Variants in CCDC85C observed in about 807,000 individuals in gnomAD.
The protein encoded by CCDC85C is coiled-coil domain-containing protein 85C.
CCDC85C carries 18 observed loss-of-function variants against 38.3 expected under a neutral mutation model. That is an observed-to-expected ratio of 0.47 (90% CI 0.33 to 0.70). CCDC85C has a LOEUF of 0.70. Among genes scored for constraint, CCDC85C ranks in the 30% least tolerant of loss-of-function variants. The pLI, the probability that CCDC85C is intolerant of heterozygous loss-of-function variation, is 0.03. For missense variants in CCDC85C, 566 were observed against 621.2 expected (o/e 0.91, Z 0.94); for synonymous variants, 264 against 293.8 (o/e 0.90, Z 1.04).
chr14:99,531,180 G>A (rs141246157), intron 2 of CCDC85C, among the ~76,000 whole-genome samples: 12 of 152,196 alleles, frequency 7.9e-5, no homozygotes, highest in African/African-American at 2.9e-4. Context: ...GTGGGCTGGG[G>A]GCCCTTCAGT....
At chr14:99,523,488 G>T (rs575869531) in intron 2 of CCDC85C, among the ~76,000 whole-genome samples, 3 of 152,224 alleles carry the variant, frequency 2.0e-5, no homozygotes, top group African/African-American at 4.8e-5. Flanking sequence ...TCCTGCGGGG[G>T]TGAGGAGGCA....
At position 99,603,553 on chromosome 14, in the gene CCDC85C, G is replaced by A; in HGVS notation, c.407C>T (p.Ala136Val). 7.2e-7 allele frequency: 1 copy of A among 1,392,116 alleles called. No individual in the cohort carries two copies. The highest frequency in any genetic ancestry group is 9.3e-7 in the Non-Finnish European group (1 of 1,079,038). The allele number at this position is 1,392,116 out of a possible 1,614,324, so 86.2% of individuals were successfully genotyped here. Residue 136 changes from alanine (A) to valine (V), a missense_variant, in exon 1 of 6, where the codon GCC becomes GTC. By Grantham distance (64) the Ala-to-Val change is moderately conservative. This residue lies in a region of CCDC85C where 269 missense variants were observed against 308.2 expected (regional missense o/e 0.87). Coordinates refer to ENST00000380243, the MANE Select transcript of CCDC85C (RefSeq NM_001144995.2). The surrounding 1 kb of genome is among the most constrained non-coding windows in gnomAD (Gnocchi z 7.5). The part of the protein sequence containing the change: ...KLRELEARQE[A>V]LLRENLELKE... ...GAGCTCCAGGTTCTCGCGCAGCAGG[G>A]CCTCCTGGCGCGCCTCGAGCTCGCG... is the stretch of plus-strand genomic sequence containing the variant.
In CCDC85C at chr14:99,502,162, A is replaced by G; in HGVS notation, c.*13084T>C. Reference sequence around the variant, plus strand: ...TCTCCATGCACTGGTTTAATCATAAATATTAGATCATATTATCTAACCTTT... The same window carrying G: ...TCTCCATGCACTGGTTTAATCATAAGTATTAGATCATATTATCTAACCTTT... On this transcript the variant is annotated 3_prime_UTR_variant, in exon 6 of 6. Coordinates refer to ENST00000380243, the MANE Select transcript of CCDC85C (RefSeq NM_001144995.2). 6.6e-7 allele frequency: 1 copy of G among 1,526,292 alleles called. No homozygotes were observed. Among genetic ancestry groups the G allele is most frequent in the South Asian group, 1.3e-5 (1 of 79,322 alleles). 94.5% of individuals were successfully genotyped at this position (1,526,292 alleles called of 1,614,324 possible). A position where few individuals can be genotyped will look rare whatever the true frequency, so the allele number is the denominator to read the frequency against.
At position 99,533,827 on chromosome 14, in the gene CCDC85C, G is replaced by A. The variant is rs1228398281; in HGVS notation, c.867+2188C>T. ...CAGGTGGACACAGGTTATGGTGGAG[G>A]GCCCCCTGTGAGACCGGGGGGCACC... On this transcript the variant is annotated intron_variant, in intron 2 of 5. Transcript: ENST00000380243. The surrounding 1 kb of genome is among the most constrained non-coding windows in gnomAD (Gnocchi z 4.2). 1.3e-5 allele frequency among the ~76,000 whole-genome samples: 2 copies of A among 152,198 alleles called. No homozygotes were observed. The highest frequency in any genetic ancestry group is 4.8e-5 in the African/African-American group (2 of 41,446).
At chr14:99,537,013 G>A (rs1434568074) in intron 1 of CCDC85C, among the ~76,000 whole-genome samples, 2 of 152,166 alleles carry the variant, frequency 1.3e-5, no homozygotes, top group African/African-American at 2.4e-5. Flanking sequence ...CAGGCCGGGG[G>A]ACCACCCAGC....
chr14:99,595,298 C>G (rs2055131524), intron 1 of CCDC85C, among the ~76,000 whole-genome samples: 1 of 152,216 alleles, frequency 6.6e-6, no homozygotes, highest in South Asian at 2.1e-4. Context: ...CTCTGTGGCC[C>G]AGGCTGGAGT....
In CCDC85C at chr14:99,516,520, T is replaced by C. The variant is rs1555367786; in HGVS notation, c.1072-234A>G. ...CATGGCTGGGCCACCCGGGAGGAAGTAGACAGGCTGGGCAAGGAAGACCCT... is the reference window on the plus strand; with the variant it reads ...CATGGCTGGGCCACCCGGGAGGAAGCAGACAGGCTGGGCAAGGAAGACCCT... On this transcript the variant is annotated intron_variant, in intron 4 of 5. Coordinates refer to ENST00000380243, the MANE Select transcript of CCDC85C (RefSeq NM_001144995.2). This position sits in a 1 kb window ranked among gnomAD's most constrained non-coding sequence, Gnocchi z 5.5. Among the ~76,000 whole-genome samples the C allele has an allele frequency of 6.6e-6, 1 of 152,084 alleles. No homozygotes were observed. The highest frequency in any genetic ancestry group is 1.5e-5 in the Non-Finnish European group (1 of 67,998).
chr14:99,570,084 C>T (rs1461428713), intron 1 of CCDC85C, among the ~76,000 whole-genome samples: 1 of 152,002 alleles, frequency 6.6e-6, no homozygotes, highest in African/African-American at 2.4e-5. Flanking sequence ...TGAAATGTGC[C>T]CTCCTGAGAC....
chr14:99,551,434 TGGGTGTGC>T (rs1287669435), intron 1 of CCDC85C, among the ~76,000 whole-genome samples: 1 of 151,122 alleles, frequency 6.6e-6, no homozygotes, highest in African/African-American at 2.4e-5. Flanking sequence ...AATGAGCAGG[TGGGTGTGC>T]AGGTGAGCAG....
rs73342433 is a variant in CCDC85C, at chr14:99,534,927, G to A, written c.867+1088C>T. 7.6e-3 allele frequency: 4,413 copies of A among 578,910 alleles called. 144 individuals carry two copies. The highest frequency in any genetic ancestry group is 0.072 in the African/African-American group (3,827 of 53,218). The allele number at this position is 578,910 out of a possible 1,614,324, so 35.9% of individuals were successfully genotyped here. ...TATGGTGGTGGGGAGTGGGGGGCGGGGTGTGGAGGAGAGTTCACAAGAGGC... is the reference window on the plus strand; with the variant it reads ...TATGGTGGTGGGGAGTGGGGGGCGGAGTGTGGAGGAGAGTTCACAAGAGGC... On this transcript the variant is annotated intron_variant, in intron 2 of 5. Coordinates refer to ENST00000380243, the MANE Select transcript of CCDC85C (RefSeq NM_001144995.2).
intron 1 of CCDC85C, among the ~76,000 whole-genome samples, chr14:99,596,931 G>T (rs1192215681): frequency 6.6e-6 from 1 of 152,162 alleles, no homozygotes; most frequent in African/African-American, 2.4e-5. Flanking sequence ...TCCCACAGGC[G>T]CTGTCCTGCC....
At chr14:99,539,913 G>A (rs1304622394) in intron 1 of CCDC85C, among the ~76,000 whole-genome samples, 6 of 152,040 alleles carry the variant, frequency 3.9e-5, no homozygotes, top group Non-Finnish European at 7.4e-5. Context: ...TTGGGAGGCC[G>A]AGGCGGGCGG....
Position 99,506,069 on chromosome 14 carries a change from TG to T in CCDC85C, c.*9176del, listed in dbSNP as rs1289088695. On this transcript the variant is annotated 3_prime_UTR_variant, in exon 6 of 6. Transcript: ENST00000380243. ...AGGTGCTGATTGGTGGGTCTAGGGA[TG>T]GGCCATGGTTTTGGTGGCAAGATGG... 6.6e-6 allele frequency: 1 copy of T among 152,532 alleles called. No individual in the cohort carries two copies. Among genetic ancestry groups the T allele is most frequent in the Non-Finnish European group, 1.5e-5 (1 of 68,250 alleles). The allele number at this position is 152,532 out of a possible 1,614,324, so 9.4% of individuals were successfully genotyped here.
chr14:99,526,636 G>A (rs113992397), intron 2 of CCDC85C, among the ~76,000 whole-genome samples: 38 of 152,190 alleles, frequency 2.5e-4, no homozygotes, highest in African/African-American at 7.5e-4. Flanking sequence ...GGAACACCCC[G>A]TCCCCAAGAC....
rs1182419379 is a variant in CCDC85C, at chr14:99,572,208, C to G, written c.793+30959G>C. 2.6e-5 allele frequency among the ~76,000 whole-genome samples: 4 copies of G among 152,220 alleles called. No homozygotes were observed. The highest frequency in any genetic ancestry group is 9.6e-5 in the African/African-American group (4 of 41,460). The stretch of plus-strand genomic sequence containing the variant: ...ACCTCCAGGGTGGGCTTCAGTGGCC[C>G]TGGCCCCAGCAGCGTTAGTGAATGG... On this transcript the variant is annotated intron_variant, in intron 1 of 5. Transcript: ENST00000380243. This position sits in a 1 kb window ranked among gnomAD's most constrained non-coding sequence, Gnocchi z 4.4.
rs548300675 is a variant in CCDC85C, at chr14:99,514,855, G to A, written c.*391C>T. On this transcript the variant is annotated 3_prime_UTR_variant, in exon 6 of 6. Coordinates refer to ENST00000380243, the MANE Select transcript of CCDC85C (RefSeq NM_001144995.2). ...TCTCTGTCCAGTGTGGGTGGCAGCC[G>A]GGGAGTAGAGGGTTTGATGAGTGGC... is the stretch of plus-strand genomic sequence containing the variant. 14 of 173,726 alleles carry A rather than the reference G, an allele frequency of 8.1e-5. No individual in the cohort carries two copies. Among genetic ancestry groups the A allele is most frequent in the South Asian group, 7.0e-4 (5 of 7,126 alleles). The allele number at this position is 173,726 out of a possible 1,614,324, so 10.8% of individuals were successfully genotyped here. A position where few individuals can be genotyped will look rare whatever the true frequency, so the allele number is the denominator to read the frequency against.
chr14:99,554,496 A>G (rs1371029350), intron 1 of CCDC85C, among the ~76,000 whole-genome samples: 1 of 152,190 alleles, frequency 6.6e-6, no homozygotes, highest in Non-Finnish European at 1.5e-5. Flanking sequence ...GCAGGCGGGC[A>G]GGGGGTAAGC....
rs991797129 is a variant in CCDC85C at position 99,515,026 on chromosome 14, T to C, written c.*220A>G. On this transcript the variant is annotated 3_prime_UTR_variant, in exon 6 of 6. Transcript: ENST00000380243. ...CTCTGCTGCAGGAACAGTCGCAGCG[T>C]CTCGTCTTCCCAGGTTGCTGGTGTA... 2.0e-5 allele frequency: 10 copies of C among 508,148 alleles called. No homozygotes were observed. Among genetic ancestry groups the C allele is most frequent in the Non-Finnish European group, 3.6e-5 (10 of 280,558 alleles). The allele number at this position is 508,148 out of a possible 1,614,324, so 31.5% of individuals were successfully genotyped here. A position where few individuals can be genotyped will look rare whatever the true frequency, so the allele number is the denominator to read the frequency against.
chr14:99,500,879 G>A lies in CCDC85C; in HGVS notation c.*14367C>T. On this transcript the variant is annotated 3_prime_UTR_variant, in exon 6 of 6. Transcript: ENST00000380243. ...ATGCAAAGCAACTCAAAGGTAAGAAGAAAGTTTTCAGAAGAATTTTTTCAT... is the reference window on the plus strand; with the variant it reads ...ATGCAAAGCAACTCAAAGGTAAGAAAAAAGTTTTCAGAAGAATTTTTTCAT... The A allele has an allele frequency of 6.8e-7, 1 of 1,471,990 alleles. No homozygotes were observed. Among genetic ancestry groups the A allele is most frequent in the Non-Finnish European group, 9.2e-7 (1 of 1,086,124 alleles). The allele number at this position is 1,471,990 out of a possible 1,614,324, so 91.2% of individuals were successfully genotyped here.
Sources: allele counts gnomAD v4.1 joint callset (sites outside exome capture counted in the v4.1 genomes callset), GRCh38; gene constraint gnomAD v4.1.1; regional missense constraint gnomAD v4.1.1; non-coding constraint Gnocchi (gnomAD v3.1); transcripts MANE v1.5; gene names NCBI Gene and HGNC (gene_info 2026-07-23, HGNC 2026-07-21).